The following ZNF208 variants were observed in gnomAD, a reference collection of about 807,000 sequenced individuals.
The protein encoded by ZNF208 is zinc finger protein 208.
ZNF208 carries 10 observed loss-of-function variants against 12.1 expected under a neutral mutation model. The ratio of observed to expected loss-of-function variants is 0.83; its 90% confidence interval spans 0.51 to 1.40. ZNF208 has a LOEUF of 1.40. ZNF208 is among the 40% of genes most tolerant of loss of function. The pLI, the probability that ZNF208 is intolerant of heterozygous loss-of-function variation, is 0.00. For synonymous variants in ZNF208, 497 were observed against 488.4 expected (o/e 1.02, Z -0.23); for missense variants, 1,652 against 1,485.0 (o/e 1.11, Z -1.85).
At position 21,999,728 on chromosome 19, in the gene ZNF208, TAA is replaced by T. The variant is rs535815948; in HGVS notation, c.4-10821_4-10820del. ...AAAGCAATGAATCTCAGGTCCCAGA[TAA>T]AGACAATTCTGAGTCAAAAAGAATG... On this transcript the variant is annotated intron_variant, in intron 1 of 3. Coordinates refer to ENST00000397126, the MANE Select transcript of ZNF208 (RefSeq NM_007153.3). Among the ~76,000 whole-genome samples, 55 of 152,140 alleles carry T rather than the reference TAA, an allele frequency of 3.6e-4. No individual in the cohort carries two copies. The East Asian group carries it at 9.8e-3, about 27-fold the overall frequency.
chr19:21,953,978 A>G (rs576060974), intron 4 of ZNF208, among the ~76,000 whole-genome samples: 1 of 152,218 alleles, frequency 6.6e-6, no homozygotes, highest in Non-Finnish European at 1.5e-5. Context: ...ATTTAGTGCT[A>G]TAAATTTCCC....
chr19:21,973,362 A>G lies in ZNF208; in HGVS notation c.1672T>C (p.Cys558Arg). The G allele has an allele frequency of 6.2e-7, 1 of 1,611,472 alleles. No individual in the cohort carries two copies. The highest frequency in any genetic ancestry group is 8.5e-7 in the Non-Finnish European group (1 of 1,179,774). The change falls in exon 4 of 4, where the codon TGT becomes CGT. Residue 558 changes from cysteine (C) to arginine (R), a missense_variant. Coordinates refer to ENST00000397126, the MANE Select transcript of ZNF208 (RefSeq NM_007153.3). ...GAGGACCACTTATAGGCTTTGCCAC[A>G]TTCTTCACATTTGTAGGGTTTCTCT... ...TGEKPYKCEE[C>R]GKAYKWSSTL...
intron 1 of ZNF208, among the ~76,000 whole-genome samples, chr19:22,001,856 A>C (rs1259508750): frequency 7.2e-6 from 1 of 138,940 alleles, no homozygotes; most frequent in African/African-American, 2.6e-5. Flanking sequence ...TTGCACCACT[A>C]CACTCCAGCC....
In ZNF208 at chr19:21,973,313, A is replaced by G. The variant is rs566057046; in HGVS notation, c.1721T>C (p.Ile574Thr). 1.8e-5 allele frequency: 29 copies of G among 1,609,302 alleles called. No individual in the cohort carries two copies. The East Asian group carries it at 5.9e-4, about 32-fold the overall frequency. Residue 574 changes from isoleucine to threonine, a missense_variant, in exon 4 of 4, where the codon ATT (isoleucine) becomes ACT (threonine). By Grantham distance (89) the Ile-to-Thr change is moderately conservative (BLOSUM62 -1). Transcript: ENST00000397126. ...WSSTLSYHKK[I>T]HTVEKPYKCE... ...TTTGTAGGGTTTCTCTACAGTATGAATTTTCTTATGATAACTAAGGGTTGA... is the reference window on the plus strand; with the variant it reads ...TTTGTAGGGTTTCTCTACAGTATGAGTTTTCTTATGATAACTAAGGGTTGA...
intron 1 of ZNF208, among the ~76,000 whole-genome samples, chr19:22,004,040 T>C (rs1971001595): frequency 6.6e-6 from 1 of 151,844 alleles, no homozygotes. Context: ...TAGCTAAGCA[T>C]GGTGGCACAG....
rs1261255223 is a variant in ZNF208 at position 21,972,103 on chromosome 19, T to C, written c.2931A>G (p.Glu977=). The C allele has an allele frequency of 6.2e-7, 1 of 1,613,546 alleles. No homozygotes were observed. The highest frequency in any genetic ancestry group is 1.1e-5 in the South Asian group (1 of 91,020). The change falls in exon 4 of 4, where the codon GAA becomes GAG. Residue 977 remains glutamate (E), a synonymous_variant. Transcript: ENST00000397126. ...AGAATGTACTAAAGCCTTTGCCACA[T>C]TCTTCATATTTGTAAGGTTTCTCTT... ...HTEEKPYKYE[E]CGKGFSTFSI...
At chr19:21,985,391 AT>A (rs1397675691) in intron 3 of ZNF208, among the ~76,000 whole-genome samples, 4 of 152,174 alleles carry the variant, frequency 2.6e-5, no homozygotes, top group Non-Finnish European at 5.9e-5. Flanking sequence ...AACCTGGGTT[AT>A]GTAGTGAAAC....
intron 4 of ZNF208, among the ~76,000 whole-genome samples, chr19:21,949,780 AG>A (rs1391082773): frequency 6.6e-6 from 1 of 152,224 alleles, no homozygotes; most frequent in Non-Finnish European, 1.5e-5. Context: ...TGATGGCTAG[AG>A]GATGGCCAGC....
At chr19:21,981,762 T>C (rs1231839119) in intron 3 of ZNF208, among the ~76,000 whole-genome samples, 1 of 152,088 alleles carries the variant, frequency 6.6e-6, no homozygotes, top group Admixed American at 6.5e-5. Context: ...AAAGAGGAAA[T>C]CAAATTGTCT....
At chr19:21,964,333 CTT>C (rs1450490933), downstream of ZNF208, among the ~76,000 whole-genome samples, 4 of 151,648 alleles carry the variant, frequency 2.6e-5, no homozygotes, top group Non-Finnish European at 5.9e-5. Context: ...CAGAAATAGA[CTT>C]GATTTTTAAT....
At chr19:22,005,448 GTCTGTGATA>G in intron 1 of ZNF208, among the ~76,000 whole-genome samples, 1 of 152,152 alleles carries the variant, frequency 6.6e-6, no homozygotes, top group Non-Finnish European at 1.5e-5. Context: ...CAGGCCAGGA[GTCTGTGATA>G]TCTTTCTTCT....
intron 1 of ZNF208, chr19:21,998,919 C>G (rs1220186478): frequency 2.0e-5 from 3 of 152,024 alleles, no homozygotes; most frequent in African/African-American, 4.8e-5. Flanking sequence ...AACTGGAGAG[C>G]AATTACGGTT....
At chr19:21,993,732 G>A (rs532403251) in intron 1 of ZNF208, among the ~76,000 whole-genome samples, 2 of 150,368 alleles carry the variant, frequency 1.3e-5, no homozygotes, top group East Asian at 2.0e-4. Flanking sequence ...TCCCTTACAC[G>A]CAGCACTCTT....
At position 21,968,147 on chromosome 19, in the gene ZNF208, T is replaced by G. The variant is rs1253142612; in HGVS notation, c.*3044A>C. ...CTTAGAACTCTTTTGGTGAAACCTTTAAAGTATTCTAGGTGGACAATTCTT... is the reference window on the plus strand; with the variant it reads ...CTTAGAACTCTTTTGGTGAAACCTTGAAAGTATTCTAGGTGGACAATTCTT... On this transcript the variant is annotated 3_prime_UTR_variant, in exon 4 of 4. Transcript: ENST00000397126. 2.0e-5 allele frequency: 3 copies of G among 152,180 alleles called. No individual in the cohort carries two copies. The highest frequency in any genetic ancestry group is 1.3e-4 in the Admixed American group (2 of 15,266). The allele number at this position is 152,180 out of a possible 1,614,324, so 9.4% of individuals were successfully genotyped here. A position where few individuals can be genotyped will look rare whatever the true frequency, so the allele number is the denominator to read the frequency against.
At chr19:21,946,457 GC>G (rs1969817238) in intron 4 of ZNF208, among the ~76,000 whole-genome samples, 1 of 152,168 alleles carries the variant, frequency 6.6e-6, no homozygotes, top group Non-Finnish European at 1.5e-5. Context: ...ACCCATTCAG[GC>G]CTCCCTCTCT....
At chr19:22,009,596 A>G (rs1304232006) in intron 1 of ZNF208, 2 of 152,000 alleles carry the variant, frequency 1.3e-5, no homozygotes, top group East Asian at 3.9e-4. Context: ...TAAAAATGCA[A>G]AGTTAGAGGG....
At chr19:21,962,706 C>T (rs555387391), downstream of ZNF208, among the ~76,000 whole-genome samples, 6 of 152,042 alleles carry the variant, frequency 3.9e-5, no homozygotes, top group Non-Finnish European at 8.8e-5. Context: ...AGCAACTTCT[C>T]AGAAATAAAC....
At chr19:21,945,379 A>T (rs2136889) in intron 4 of ZNF208, among the ~76,000 whole-genome samples, 84,739 of 151,964 alleles carry the variant, frequency 0.56, 23,883 homozygotes, top group East Asian at 0.69. Context: ...TCTTGTTTAA[A>T]TTTTTTTGAA....
At chr19:21,962,167 T>C (rs1970082378), downstream of ZNF208, among the ~76,000 whole-genome samples, 1 of 152,166 alleles carries the variant, frequency 6.6e-6, no homozygotes. Context: ...TCACAATTTA[T>C]GTTCCTCTGC....
Sources: gnomAD v4.1 joint callset for allele counts (sites outside exome capture counted in the v4.1 genomes callset) on GRCh38, gnomAD v4.1.1 for gene constraint, MANE v1.5 for transcripts, NCBI Gene and HGNC (gene_info 2026-07-23, HGNC 2026-07-21) for gene names.